BLTP3A: variants seen among roughly 807,000 people sequenced by gnomAD.
BLTP3A encodes ICBP90 binding protein 1.
the BLTP3A span, among the ~76,000 whole-genome samples, chr6:34,816,762 G>A: frequency 6.6e-6 from 1 of 152,112 alleles, no homozygotes; most frequent in African/African-American, 2.4e-5. Context: ...TTCTCAGCTG[G>A]GGTAGAAAGG....
the BLTP3A span, among the ~76,000 whole-genome samples, chr6:34,861,171 T>C: frequency 6.6e-6 from 1 of 152,114 alleles, no homozygotes; most frequent in Admixed American, 6.6e-5. Flanking sequence ...CAGGTCTCAT[T>C]CTGTTGCCCA....
chr6:34,801,875 C>T, the BLTP3A span, among the ~76,000 whole-genome samples: 1 of 151,936 alleles, frequency 6.6e-6, no homozygotes, highest in Non-Finnish European at 1.5e-5. Context: ...GTAGCTGGGA[C>T]TACAGGCGCC....
chr6:34,834,888 A>G, the BLTP3A span: 2 of 1,603,406 alleles, frequency 1.2e-6, no homozygotes, highest in Non-Finnish European at 8.5e-7. Context: ...GCCTCATGAA[A>G]ACTTCCATCT....
At chr6:34,824,998 A>G in the BLTP3A span, among the ~76,000 whole-genome samples, 1 of 152,192 alleles carries the variant, frequency 6.6e-6, no homozygotes, top group Admixed American at 6.5e-5. Context: ...ACGGAACAAT[A>G]TGGATCAAAA....
chr6:34,803,206 T>C, the BLTP3A span, among the ~76,000 whole-genome samples: 3 of 151,546 alleles, frequency 2.0e-5, no homozygotes, highest in Admixed American at 2.0e-4. Flanking sequence ...ATAATGATTT[T>C]AGTAACTAAG....
the BLTP3A span, chr6:34,875,217 T>C: frequency 6.6e-6 from 1 of 152,576 alleles, no homozygotes; most frequent in Non-Finnish European, 1.5e-5. Flanking sequence ...TACTTGGTAA[T>C]ATACAACTGA....
At chr6:34,870,810 C>T in the BLTP3A span, 1 of 1,602,446 alleles carries the variant, frequency 6.2e-7, no homozygotes, top group Non-Finnish European at 8.5e-7. Flanking sequence ...CTAGAAGACT[C>T]CCTGGCCGTT....
the BLTP3A span, among the ~76,000 whole-genome samples, chr6:34,795,915 T>A: frequency 6.6e-6 from 1 of 151,966 alleles, no homozygotes; most frequent in Non-Finnish European, 1.5e-5. Flanking sequence ...AAATTATGAG[T>A]CTTGTTAGGG....
chr6:34,856,808 G>T, the BLTP3A span: 1 of 1,613,312 alleles, frequency 6.2e-7, no homozygotes, highest in South Asian at 1.1e-5. Context: ...TCCAGTCCTC[G>T]AAAGAACCCT....
At chr6:34,858,603 G>A in the BLTP3A span, 1 of 1,614,144 alleles carries the variant, frequency 6.2e-7, no homozygotes. Context: ...CAGAGGGGAG[G>A]CTGAAACCAT....
At chr6:34,854,609 A>G in the BLTP3A span, among the ~76,000 whole-genome samples, 87 of 152,346 alleles carry the variant, frequency 5.7e-4, 3 homozygotes, top group East Asian at 0.016. Flanking sequence ...GGAAAAAAGT[A>G]TCTTAAAAGC....
chr6:34,823,363 A>C, the BLTP3A span: 8 of 1,604,164 alleles, frequency 5.0e-6, no homozygotes, highest in Non-Finnish European at 6.8e-6. Context: ...GTTTCTTTGA[A>C]CCCTGTTATT....
the BLTP3A span, among the ~76,000 whole-genome samples, chr6:34,817,293 G>T: frequency 2.0e-5 from 3 of 152,152 alleles, no homozygotes; most frequent in Non-Finnish European, 4.4e-5. Context: ...GTGGCAAGTT[G>T]TTTTCAGAGG....
the BLTP3A span, among the ~76,000 whole-genome samples, chr6:34,831,652 G>T: frequency 5.3e-5 from 8 of 152,154 alleles, no homozygotes; most frequent in South Asian, 1.5e-3. Context: ...TTTTGTTGTT[G>T]TTGTTTGATG....
chr6:34,860,754 G>A, the BLTP3A span, among the ~76,000 whole-genome samples: 2 of 152,208 alleles, frequency 1.3e-5, no homozygotes, highest in Non-Finnish European at 2.9e-5. Flanking sequence ...GAGTGGTGGG[G>A]CAAGGATTAA....
the BLTP3A span, among the ~76,000 whole-genome samples, chr6:34,792,503 C>G: frequency 2.6e-5 from 4 of 152,210 alleles, no homozygotes; most frequent in South Asian, 4.1e-4. Context: ...TTCCCCCGCG[C>G]TGGGCCCTCC....
chr6:34,875,427 T>A, the BLTP3A span: 1 of 152,180 alleles, frequency 6.6e-6, no homozygotes, highest in Non-Finnish European at 1.5e-5. Flanking sequence ...GATTCTCTTC[T>A]CATCCCTTCC....
chr6:34,845,357 G>GT, the BLTP3A span, among the ~76,000 whole-genome samples: 1 of 152,062 alleles, frequency 6.6e-6, no homozygotes, highest in African/African-American at 2.4e-5. Context: ...TTGTTTGTTT[G>GT]TTTTTTGTGG....
the BLTP3A span, chr6:34,792,105 A>G: frequency 1.8e-6 from 1 of 553,974 alleles, no homozygotes; most frequent in Non-Finnish European, 2.6e-6. Context: ...CAGGCGCCCA[A>G]AGAGGGGCGA....
Sources: allele counts gnomAD v4.1 joint callset (sites outside exome capture counted in the v4.1 genomes callset), GRCh38; gene constraint gnomAD v4.1.1; transcripts MANE v1.5; gene names NCBI Gene and HGNC (gene_info 2026-07-23, HGNC 2026-07-21).